The following KCNIP4 variants were observed in gnomAD, a reference collection of about 807,000 sequenced individuals.
KCNIP4 encodes the protein potassium voltage-gated channel interacting protein 4, also known as Kv channel-interacting protein 4.
Under a neutral mutation model 34.0 loss-of-function variants are expected in KCNIP4, and 12 were observed. The ratio of observed to expected loss-of-function variants is 0.35; its 90% CI spans 0.23 to 0.57. KCNIP4 has a LOEUF of 0.57. KCNIP4 is among the 20% of genes least tolerant of loss of function. The pLI, the probability that KCNIP4 is intolerant of heterozygous loss-of-function variation, is 0.83. For synonymous variants in KCNIP4, 124 were observed against 102.2 expected, an observed-to-expected ratio of 1.21 and a Z score of -1.29; for missense variants, 238 against 311.7, an observed-to-expected ratio of 0.76 and a Z score of 1.78.
At chr4:21,422,914 T>G (rs965242102) in intron 1 of KCNIP4, among the ~76,000 whole-genome samples, 32 of 152,070 alleles carry the variant, frequency 2.1e-4, no homozygotes, top group Non-Finnish European at 2.9e-4. Context: ...ATACTACGAG[T>G]TAAGATGAAG....
intron 1 of KCNIP4, among the ~76,000 whole-genome samples, chr4:21,112,017 C>A (rs939762199): frequency 6.8e-6 from 1 of 147,670 alleles, no homozygotes; most frequent in Non-Finnish European, 1.5e-5. Context: ...CAAATCTATC[C>A]TTTCTCTGTA....
chr4:20,905,296 C>T (rs1727614800), intron 1 of KCNIP4, among the ~76,000 whole-genome samples: 1 of 152,036 alleles, frequency 6.6e-6, no homozygotes, highest in African/African-American at 2.4e-5. Flanking sequence ...TCCCTGGTGT[C>T]TTTTTCTCTT....
chr4:20,944,617 C>G (rs1362085022), intron 1 of KCNIP4, among the ~76,000 whole-genome samples: 1 of 152,200 alleles, frequency 6.6e-6, no homozygotes. Context: ...CTCATCATGG[C>G]AGAGACAAAG....
At chr4:21,323,158 A>AC (rs1560289704) in intron 1 of KCNIP4, among the ~76,000 whole-genome samples, 1 of 101,658 alleles carries the variant, frequency 9.8e-6, no homozygotes, top group African/African-American at 3.8e-5. Context: ...ATATATATAT[A>AC]TATATGTATA....
chr4:21,946,748 G>A (rs1453147053), intron 1 of KCNIP4, among the ~76,000 whole-genome samples: 1 of 152,096 alleles, frequency 6.6e-6, no homozygotes, highest in Non-Finnish European at 1.5e-5. Flanking sequence ...TCAATTCTCA[G>A]CCAGAAAACT....
At chr4:20,897,277 C>T (rs912341750) in intron 1 of KCNIP4, among the ~76,000 whole-genome samples, 9 of 151,950 alleles carry the variant, frequency 5.9e-5, no homozygotes, top group African/African-American at 2.2e-4. Flanking sequence ...TTCTATTTTC[C>T]TCTAATTTCT....
Position 21,794,612 on chromosome 4 carries a change from G to A in KCNIP4, c.61+153959C>T, listed in dbSNP as rs538246414. ...GGCTTAAAAACTCACTGAGACAGCC[G>A]GGCGCAGTGACTCATGCCTGTAATC... On this transcript the variant is annotated intron_variant, in intron 1 of 8. Coordinates refer to ENST00000382152, the MANE Select transcript of KCNIP4 (RefSeq NM_025221.6). Among the ~76,000 whole-genome samples, 33 of 152,172 alleles carry A rather than the reference G, an allele frequency of 2.2e-4. 2 individuals carry two copies. Among genetic ancestry groups the A allele is most frequent in the African/African-American group, 4.6e-4 (19 of 41,520 alleles).
At chr4:21,037,316 C>T (rs966624990) in intron 1 of KCNIP4, among the ~76,000 whole-genome samples, 3 of 152,194 alleles carry the variant, frequency 2.0e-5, no homozygotes, top group Non-Finnish European at 4.4e-5. Flanking sequence ...CCCTGGCTCA[C>T]CCAAAACAAC....
At position 21,280,334 on chromosome 4, in the gene KCNIP4, A is replaced by G. The variant is rs78099265; in HGVS notation, c.62-397625T>C. 3.7e-3 allele frequency among the ~76,000 whole-genome samples: 556 copies of G among 152,300 alleles called. 2 individuals are homozygous for G. Among genetic ancestry groups the G allele is most frequent in the African/African-American group, 0.012 (485 of 41,572 alleles). On this transcript the variant is annotated intron_variant, in intron 1 of 8. Transcript: ENST00000382152. ...GAAAGGTCAAAAGTTTGGGAGGTGG[A>G]GAGGTGTAAGGCAGGTAGGAATACA...
chr4:21,056,044 A>G (rs1439036432), intron 1 of KCNIP4, among the ~76,000 whole-genome samples: 1 of 152,104 alleles, frequency 6.6e-6, no homozygotes, highest in Non-Finnish European at 1.5e-5. Flanking sequence ...CGGGGTGGGT[A>G]GGGAACATAT....
chr4:21,018,441 C>A (rs1442268700), intron 1 of KCNIP4, among the ~76,000 whole-genome samples: 1 of 152,164 alleles, frequency 6.6e-6, no homozygotes, highest in South Asian at 2.1e-4. Flanking sequence ...GGTCGTGGCT[C>A]CTGTACTCCT....
rs554282704 is a variant in KCNIP4, at chr4:20,868,294, G to A, written c.163+14314C>T. Among the ~76,000 whole-genome samples, 5 of 152,150 alleles carry A rather than the reference G, an allele frequency of 3.3e-5. No homozygotes were observed. The East Asian group carries it at 9.7e-4, about 29-fold the overall frequency. ...GAAATGTAAATCTAAATTACAATGAGATACCATCTCATACCAGTCAGAATG... is the reference window on the plus strand; with the variant it reads ...GAAATGTAAATCTAAATTACAATGAAATACCATCTCATACCAGTCAGAATG... On this transcript the variant is annotated intron_variant, in intron 2 of 8. Transcript: ENST00000382152.
At chr4:21,905,347 C>G (rs2108973798) in intron 1 of KCNIP4, among the ~76,000 whole-genome samples, 1 of 152,240 alleles carries the variant, frequency 6.6e-6, no homozygotes, top group Admixed American at 6.5e-5. Context: ...TGAGTTATGC[C>G]AGTTTGGGCT....
intron 1 of KCNIP4, among the ~76,000 whole-genome samples, chr4:21,075,137 G>A (rs1186632912): frequency 6.6e-6 from 1 of 152,192 alleles, no homozygotes; most frequent in Non-Finnish European, 1.5e-5. Flanking sequence ...GGAGAGTTCT[G>A]TAGATGTCTA....
chr4:21,491,832 C>G (rs1732425815), intron 1 of KCNIP4, among the ~76,000 whole-genome samples: 1 of 152,106 alleles, frequency 6.6e-6, no homozygotes, highest in African/African-American at 2.4e-5. Context: ...ATAACATAAT[C>G]ATAATTAAGC....
chr4:21,240,994 G>T (rs148388297), intron 1 of KCNIP4, among the ~76,000 whole-genome samples: 3,131 of 152,112 alleles, frequency 0.021, 50 homozygotes, highest in Non-Finnish European at 0.03. Context: ...ACCAAATTAG[G>T]CCAAAATAAG....
At chr4:21,006,856 G>T (rs962251663) in intron 1 of KCNIP4, among the ~76,000 whole-genome samples, 3 of 152,122 alleles carry the variant, frequency 2.0e-5, no homozygotes, top group African/African-American at 7.2e-5. Context: ...TGCAGAATGG[G>T]GCATGACAGG....
intron 1 of KCNIP4, among the ~76,000 whole-genome samples, chr4:21,247,400 G>A (rs1760288057): frequency 6.6e-6 from 1 of 151,614 alleles, no homozygotes; most frequent in Non-Finnish European, 1.5e-5. Flanking sequence ...CTCTATAGGA[G>A]GGTACAATAA....
At chr4:21,076,845 G>T (rs1191699495) in intron 1 of KCNIP4, among the ~76,000 whole-genome samples, 1 of 152,112 alleles carries the variant, frequency 6.6e-6, no homozygotes, top group Non-Finnish European at 1.5e-5. Context: ...GTTGGGGGCT[G>T]GGTGCAGTGG....
Sources: allele counts gnomAD v4.1 joint callset (sites outside exome capture counted in the v4.1 genomes callset), GRCh38; gene constraint gnomAD v4.1.1; transcripts MANE v1.5; gene names NCBI Gene and HGNC (gene_info 2026-07-23, HGNC 2026-07-21).